CAMK2B: variants seen among roughly 807,000 people sequenced by gnomAD.
CAMK2B encodes the protein calcium/calmodulin-dependent protein kinase type II subunit beta.
CAMK2B carries 27 observed loss-of-function variants against 93.7 expected under a neutral mutation model. The observed-to-expected ratio is 0.29, with a 90% confidence interval of 0.21 to 0.40. The LOEUF (loss-of-function observed/expected upper bound fraction) is 0.40. CAMK2B is among the 10% of genes least tolerant of loss of function. CAMK2B has a pLI of 1.00. For synonymous variants in CAMK2B, 374 were observed against 358.8 expected (o/e 1.04, Z -0.48); for missense variants, 568 against 895.8 (o/e 0.63, Z 4.67).
chr7:44,293,446 A>T (rs529066355), intron 1 of CAMK2B, among the ~76,000 whole-genome samples: 1 of 152,144 alleles, frequency 6.6e-6, no homozygotes. Context: ...TCACTTCTAG[A>T]CAGCCAGATC....
At chr7:44,323,891 CG>C (rs1362802016) in intron 1 of CAMK2B, 1 of 161,760 alleles carries the variant, frequency 6.2e-6, no homozygotes, top group Non-Finnish European at 1.4e-5. Flanking sequence ...GGGTGAAGAC[CG>C]GGGAGCCAGC....
rs1302589885 is a variant in CAMK2B at position 44,217,660 on chromosome 7, G to A, written c.*1865C>T. 1 of 152,334 alleles carries A rather than the reference G, an allele frequency of 6.6e-6. No individual in the cohort carries two copies. The highest frequency in any genetic ancestry group is 6.5e-5 in the Admixed American group (1 of 15,292). 9.4% of individuals were successfully genotyped at this position (152,334 alleles called of 1,614,324 possible). ...GTGGACGGAAGATGGTGTCCACTCT[G>A]AGTGTTCATCGGTGGACAGTCCCCT... On this transcript the variant is annotated 3_prime_UTR_variant, in exon 24 of 24. Transcript: ENST00000395749.
rs186587318 is a variant in CAMK2B at position 44,321,883 on chromosome 7, G to A, written c.65+3474C>T. Among the ~76,000 whole-genome samples the A allele has an allele frequency of 1.2e-4, 19 of 152,338 alleles. No individual in the cohort carries two copies. In the East Asian group the frequency reaches 1.3e-3, roughly 11 times the overall value. ...AATGGCAGCACCCAGGGAAAGGGGC[G>A]GCCCCAACGCTGCTGTGTGAGTGGA... On this transcript the variant is annotated intron_variant, in intron 1 of 23. Coordinates refer to ENST00000395749, the MANE Select transcript of CAMK2B (RefSeq NM_001220.5).
intron 1 of CAMK2B, among the ~76,000 whole-genome samples, chr7:44,285,675 C>T (rs767819049): frequency 2.6e-5 from 4 of 151,794 alleles, no homozygotes; most frequent in Non-Finnish European, 4.4e-5. Flanking sequence ...ATTTTCTTAA[C>T]GACTCAGGTC....
intron 16 of CAMK2B, 107 bp from the exon 17 acceptor site, chr7:44,231,161 C>A: frequency 1.2e-6 from 1 of 828,198 alleles, no homozygotes; most frequent in South Asian, 1.7e-5. Context: ...AGCCCAGGCT[C>A]TGAAGCTGAT....
At chr7:44,296,340 A>C (rs1296697581) in intron 1 of CAMK2B, among the ~76,000 whole-genome samples, 1 of 152,226 alleles carries the variant, frequency 6.6e-6, no homozygotes, top group African/African-American at 2.4e-5. Flanking sequence ...ACAGCTAAAA[A>C]ACCAACCAGT....
chr7:44,230,683 G>C (rs115106706), intron 17 of CAMK2B, among the ~76,000 whole-genome samples: 100 of 152,350 alleles, frequency 6.6e-4, no homozygotes, highest in African/African-American at 2.4e-3. Flanking sequence ...CAGCATCTTG[G>C]AACAAATTCT....
At chr7:44,291,726 A>G (rs1479386379) in intron 1 of CAMK2B, among the ~76,000 whole-genome samples, 1 of 152,204 alleles carries the variant, frequency 6.6e-6, no homozygotes, top group Non-Finnish European at 1.5e-5. Flanking sequence ...TCCATTAGCA[A>G]GCGTTTAGGA....
chr7:44,234,240 T>C (rs1307274716), intron 15 of CAMK2B, 150 bp downstream of exon 15: 5 of 653,680 alleles, frequency 7.6e-6, no homozygotes, highest in African/African-American at 1.8e-5. Context: ...TCACCACCGG[T>C]GAGGGATGAG....
chr7:44,319,240 G>C (rs1397251851), intron 1 of CAMK2B, among the ~76,000 whole-genome samples: 1 of 152,156 alleles, frequency 6.6e-6, no homozygotes, highest in Non-Finnish European at 1.5e-5. Flanking sequence ...CACATCTCTT[G>C]CCTGGATGAG....
intron 1 of CAMK2B, among the ~76,000 whole-genome samples, chr7:44,302,312 T>A (rs977824666): frequency 2.6e-5 from 4 of 152,206 alleles, no homozygotes; most frequent in Non-Finnish European, 5.9e-5. Context: ...TGGTGAATTC[T>A]ACCAAACATG....
chr7:44,258,741 G>T, intron 4 of CAMK2B, 131 bp downstream of exon 4: 3 of 769,548 alleles, frequency 3.9e-6, no homozygotes, highest in Non-Finnish European at 2.2e-6. Context: ...GGGACCAGCA[G>T]CAGAAGCACA....
At chr7:44,317,572 C>T (rs906139384) in intron 1 of CAMK2B, among the ~76,000 whole-genome samples, 3 of 152,158 alleles carry the variant, frequency 2.0e-5, no homozygotes, top group South Asian at 2.1e-4. Flanking sequence ...CACGAGCCAC[C>T]GCACCAGGCC....
intron 1 of CAMK2B, among the ~76,000 whole-genome samples, chr7:44,287,345 T>A (rs573203386): frequency 1.3e-5 from 2 of 152,112 alleles, no homozygotes; most frequent in Non-Finnish European, 2.9e-5. Flanking sequence ...TACCCACCAC[T>A]TCCCCTAAAG....
Position 44,286,438 on chromosome 7 carries a change from G to A in CAMK2B, c.66-2213C>T, listed in dbSNP as rs1023750911. On this transcript the variant is annotated intron_variant, in intron 1 of 23. Transcript: ENST00000395749. This position sits in a 1 kb window ranked among gnomAD's most constrained non-coding sequence, Gnocchi z 4.0. ...CATCTATGCCAAGCTGATGATGCCCGTATGGCACCGCTGTGTCGAGCCCGT... is the reference window on the plus strand; with the variant it reads ...CATCTATGCCAAGCTGATGATGCCCATATGGCACCGCTGTGTCGAGCCCGT... Among the ~76,000 whole-genome samples the A allele has an allele frequency of 1.2e-4, 19 of 152,118 alleles. No homozygotes were observed. The highest frequency in any genetic ancestry group is 3.9e-4 in the African/African-American group (16 of 41,428).
Position 44,325,412 on chromosome 7 carries a change from TG to T in CAMK2B, c.9del (p.Thr4ArgfsTer2). The T allele has an allele frequency of 8.5e-7, 1 of 1,178,216 alleles. No homozygotes were observed. Among genetic ancestry groups the T allele is most frequent in the Admixed American group, 3.1e-5 (1 of 31,840 alleles). The allele number at this position is 1,178,216 out of a possible 1,614,324, so 73.0% of individuals were successfully genotyped here. A position where few individuals can be genotyped will look rare whatever the true frequency, so the allele number is the denominator to read the frequency against. On this transcript the variant is annotated frameshift_variant, in exon 1 of 24. Coordinates refer to ENST00000395749, the MANE Select transcript of CAMK2B (RefSeq NM_001220.5). LOFTEE classifies it high-confidence loss of function. MA[T>X]TVTCTRFTDE... ...TCGGTGAAGCGGGTGCAGGTCACCG[TG>T]GTGGCCATGGCGGCGGCGGACGGGC...
chr7:44,320,085 ATG>A (rs1357016854), intron 1 of CAMK2B, among the ~76,000 whole-genome samples: 1 of 152,092 alleles, frequency 6.6e-6, no homozygotes, highest in Non-Finnish European at 1.5e-5. Flanking sequence ...GTGTGTGTGT[ATG>A]TGTCTGTGTG....
chr7:44,258,765 C>A, intron 4 of CAMK2B, 107 bp downstream of exon 4: 1 of 1,006,016 alleles, frequency 9.9e-7, no homozygotes, highest in South Asian at 1.4e-5. Context: ...AAGGGAGTGG[C>A]CAGCCCACGG....
intron 6 of CAMK2B, among the ~76,000 whole-genome samples, chr7:44,244,680 G>C (rs759801643): frequency 5.5e-4 from 84 of 151,944 alleles, no homozygotes; most frequent in Non-Finnish European, 1.1e-3. Context: ...CAGAGATCTT[G>C]AAATGTGAAA....
Sources: allele counts gnomAD v4.1 joint callset (sites outside exome capture counted in the v4.1 genomes callset), GRCh38; gene constraint gnomAD v4.1.1; non-coding constraint Gnocchi (gnomAD v3.1); transcripts MANE v1.5; gene names NCBI Gene and HGNC (gene_info 2026-07-23, HGNC 2026-07-21).